Variants in MEIS2 observed in about 807,000 individuals in gnomAD.
MEIS2 encodes the protein homeobox protein Meis2.
Under a neutral mutation model 58.6 loss-of-function variants are expected in MEIS2, and 9 were observed. The observed-to-expected ratio is 0.15, with a 90% CI of 0.09 to 0.27. MEIS2 has a LOEUF of 0.27. Among genes scored for constraint, MEIS2 ranks in the 10% least tolerant of loss-of-function variants. The pLI, the probability that MEIS2 is intolerant of heterozygous loss-of-function variation, is 1.00. For synonymous variants in MEIS2, 221 were observed against 228.4 expected (o/e 0.97, Z 0.29); for missense variants, 427 against 635.0 (o/e 0.67, Z 3.52).
intron 8 of MEIS2, among the ~76,000 whole-genome samples, chr15:36,999,550 G>A (rs184588127): frequency 6.6e-6 from 1 of 152,274 alleles, no homozygotes; most frequent in East Asian, 1.9e-4. Context: ...GCCTATGGTA[G>A]CAACTTGACC....
chr15:36,931,367 G>T (rs2057971365), intron 9 of MEIS2, among the ~76,000 whole-genome samples: 1 of 152,180 alleles, frequency 6.6e-6, no homozygotes, highest in Non-Finnish European at 1.5e-5. Context: ...ACAGAGTAAA[G>T]AATTTTTGCT....
At chr15:37,004,227 C>A (rs1162079515) in intron 8 of MEIS2, among the ~76,000 whole-genome samples, 4 of 152,170 alleles carry the variant, frequency 2.6e-5, no homozygotes. Context: ...TCTTCCTGTA[C>A]TCAAGAGAAA....
chr15:36,942,635 T>C (rs978164373), intron 9 of MEIS2, among the ~76,000 whole-genome samples: 16 of 152,174 alleles, frequency 1.1e-4, no homozygotes, highest in Non-Finnish European at 2.2e-4. Flanking sequence ...AATCAATGCA[T>C]TGAATGAATG....
At chr15:36,904,523 C>T (rs1000020036) in intron 9 of MEIS2, among the ~76,000 whole-genome samples, 1 of 152,142 alleles carries the variant, frequency 6.6e-6, no homozygotes, top group African/African-American at 2.4e-5. Context: ...AAATTTTACC[C>T]TAAGTGAGTT....
intron 1 of MEIS2, chr15:37,098,519 G>C (rs542693784): frequency 3.5e-6 from 2 of 572,934 alleles, no homozygotes; most frequent in Non-Finnish European, 4.9e-6. Context: ...GGAGTTAAAA[G>C]TTGTGAGGAA....
chr15:37,043,790 C>T (rs573822546), intron 7 of MEIS2, among the ~76,000 whole-genome samples: 6 of 150,716 alleles, frequency 4.0e-5, no homozygotes, highest in South Asian at 2.1e-4. Context: ...CTGGTTCAAG[C>T]GATTCTCCTG....
chr15:36,948,462 A>G (rs1325633362), intron 9 of MEIS2, among the ~76,000 whole-genome samples: 1 of 151,994 alleles, frequency 6.6e-6, no homozygotes, highest in Admixed American at 6.6e-5. Flanking sequence ...GTAATGGATG[A>G]TAAGGAACAG....
intron 7 of MEIS2, among the ~76,000 whole-genome samples, chr15:37,057,838 G>A (rs186348443): frequency 8.1e-4 from 123 of 152,192 alleles, no homozygotes; most frequent in African/African-American, 2.7e-3. Flanking sequence ...AGAAGCCGAG[G>A]CTTGTATCCT....
intron 8 of MEIS2, among the ~76,000 whole-genome samples, chr15:36,952,613 G>C (rs62002405): frequency 0.19 from 14,315 of 74,444 alleles, 936 homozygotes; most frequent in African/African-American, 0.25. Context: ...CTCTCTGTGT[G>C]TGTGTGTGTG....
At chr15:36,936,038 T>C (rs2058157502) in intron 9 of MEIS2, among the ~76,000 whole-genome samples, 1 of 151,918 alleles carries the variant, frequency 6.6e-6, no homozygotes, top group Non-Finnish European at 1.5e-5. Context: ...CATCTTTTAA[T>C]ACAGACATCA....
chr15:36,917,575 C>G (rs988064799), intron 9 of MEIS2, among the ~76,000 whole-genome samples: 1 of 152,168 alleles, frequency 6.6e-6, no homozygotes, highest in Admixed American at 6.5e-5. Context: ...CCATCAGGAT[C>G]CTTAAATGCA....
intron 4 of MEIS2, among the ~76,000 whole-genome samples, 166 bp from the exon 5 acceptor site, chr15:37,094,743 G>A (rs559156608): frequency 2.6e-5 from 4 of 152,120 alleles, no homozygotes; most frequent in African/African-American, 7.2e-5. Flanking sequence ...GAAAAATCAA[G>A]TGATTACTGA....
intron 8 of MEIS2, among the ~76,000 whole-genome samples, chr15:36,998,616 A>T (rs1595895966): frequency 6.6e-6 from 1 of 152,162 alleles, no homozygotes; most frequent in East Asian, 1.9e-4. Flanking sequence ...GTATAATTAA[A>T]TTATGGTACT....
chr15:36,983,568 A>C (rs1299774815), intron 8 of MEIS2, among the ~76,000 whole-genome samples: 1 of 152,104 alleles, frequency 6.6e-6, no homozygotes, highest in East Asian at 1.9e-4. Context: ...TATTTTTAAA[A>C]CAGTCAATAT....
chr15:37,005,478 C>T (rs535238383), intron 8 of MEIS2, among the ~76,000 whole-genome samples: 1 of 152,308 alleles, frequency 6.6e-6, no homozygotes, highest in African/African-American at 2.4e-5. Context: ...CAGCATGTCA[C>T]AGTACCATTC....
chr15:37,017,138 C>T (rs917582918), intron 8 of MEIS2, among the ~76,000 whole-genome samples: 3 of 152,060 alleles, frequency 2.0e-5, no homozygotes, highest in African/African-American at 7.2e-5. Context: ...TGACCTGTTT[C>T]TGATGACGCA....
At chr15:37,004,786 A>G (rs1323231061) in intron 8 of MEIS2, among the ~76,000 whole-genome samples, 11 of 152,206 alleles carry the variant, frequency 7.2e-5, no homozygotes, top group Non-Finnish European at 1.3e-4. Flanking sequence ...AAAACACTAC[A>G]TGGCAGATAA....
At chr15:37,031,337 G>C (rs1214876852) in intron 8 of MEIS2, among the ~76,000 whole-genome samples, 2 of 152,010 alleles carry the variant, frequency 1.3e-5, no homozygotes, top group African/African-American at 2.4e-5. Context: ...ACAAGATAAA[G>C]ATAACTAGTC....
intron 8 of MEIS2, among the ~76,000 whole-genome samples, chr15:37,027,926 C>T (rs146111550): frequency 5.2e-4 from 79 of 152,230 alleles, no homozygotes; most frequent in African/African-American, 1.8e-3. Flanking sequence ...AACTGATGAA[C>T]CTACATTGAC....
Sources: allele counts gnomAD v4.1 joint callset (sites outside exome capture counted in the v4.1 genomes callset), GRCh38; gene constraint gnomAD v4.1.1; transcripts MANE v1.5; gene names NCBI Gene and HGNC (gene_info 2026-07-23, HGNC 2026-07-21).